PPIL6: variants seen among roughly 807,000 people sequenced by gnomAD.
PPIL6 encodes probable inactive peptidyl-prolyl cis-trans isomerase-like 6.
A neutral mutation model predicts 36.8 loss-of-function variants in PPIL6; 39 were observed. The observed-to-expected ratio is 1.06, with a 90% CI of 0.82 to 1.38. PPIL6 has a LOEUF of 1.38. Among genes scored for constraint, PPIL6 ranks in the 40% most tolerant of loss-of-function variants. The pLI, the probability that PPIL6 is intolerant of heterozygous loss-of-function variation, is 0.00. For missense variants in PPIL6, 368 were observed against 379.1 expected, an observed-to-expected ratio of 0.97 and a Z score of 0.24; for synonymous variants, 123 against 134.1, an observed-to-expected ratio of 0.92 and a Z score of 0.57.
chr6:109,429,991 G>A (rs1273168063), intron 3 of PPIL6, among the ~76,000 whole-genome samples: 2 of 152,158 alleles, frequency 1.3e-5, no homozygotes, highest in Non-Finnish European at 2.9e-5. Context: ...GGCATGTACA[G>A]CTAGACTCCT....
At chr6:109,408,132 TA>T (rs1267370065) in intron 6 of PPIL6, among the ~76,000 whole-genome samples, 1 of 152,250 alleles carries the variant, frequency 6.6e-6, no homozygotes, top group Non-Finnish European at 1.5e-5. Context: ...TGCATGTTGA[TA>T]AACCTGTGTG....
At chr6:109,423,807 T>C (rs1773674989) in intron 5 of PPIL6, among the ~76,000 whole-genome samples, 1 of 152,162 alleles carries the variant, frequency 6.6e-6, no homozygotes, top group Admixed American at 6.5e-5. Context: ...TGACTTGCTA[T>C]CTTAACTTTG....
intron 5 of PPIL6, among the ~76,000 whole-genome samples, chr6:109,425,520 G>A (rs572771751): frequency 1.4e-4 from 21 of 152,184 alleles, no homozygotes; most frequent in African/African-American, 5.1e-4. Context: ...AGGCTGAGGC[G>A]TGCGGATCAC....
At chr6:109,441,165 A>G (rs1179903695), upstream of PPIL6, 4 of 1,613,930 alleles carry the variant, frequency 2.5e-6, no homozygotes, top group African/African-American at 1.3e-5. Flanking sequence ...TTCAACCTCA[A>G]CTGCTGGTGA....
intron 7 of PPIL6, among the ~76,000 whole-genome samples, chr6:109,393,968 T>C (rs1238088100): frequency 6.6e-6 from 1 of 152,208 alleles, no homozygotes; most frequent in Non-Finnish European, 1.5e-5. Context: ...AATTCTCCCA[T>C]GATGGTAGGG....
intron 2 of PPIL6, 46 bp from the exon 3 acceptor site, chr6:109,431,391 G>T: frequency 7.0e-7 from 1 of 1,428,112 alleles, no homozygotes; most frequent in South Asian, 1.3e-5. Context: ...AAGAAGTGGG[G>T]GGAAAACTTG....
intron 6 of PPIL6, among the ~76,000 whole-genome samples, chr6:109,403,344 G>T (rs1229453092): frequency 6.6e-6 from 1 of 151,484 alleles, no homozygotes; most frequent in Non-Finnish European, 1.5e-5. Flanking sequence ...GTAAATTTTT[G>T]GTACATTTCA....
intron 6 of PPIL6, among the ~76,000 whole-genome samples, chr6:109,417,556 C>T (rs1773329708): frequency 6.6e-6 from 1 of 152,116 alleles, no homozygotes; most frequent in Non-Finnish European, 1.5e-5. Flanking sequence ...CTTATAATCA[C>T]CTTGAAACTT....
intron 6 of PPIL6, among the ~76,000 whole-genome samples, chr6:109,418,901 GAA>G (rs1317560544): frequency 6.6e-6 from 1 of 152,224 alleles, no homozygotes; most frequent in East Asian, 1.9e-4. Context: ...ATCAGCACGG[GAA>G]ATTACAAGCC....
At chr6:109,440,191 A>C in intron 1 of PPIL6, 1 of 551,572 alleles carries the variant, frequency 1.8e-6, no homozygotes. Context: ...CTTATCTCCC[A>C]GCGCGGTTCT....
chr6:109,400,271 C>A (rs1772475764), intron 6 of PPIL6, 101 bp from the exon 7 acceptor site: 1 of 884,700 alleles, frequency 1.1e-6, no homozygotes, highest in African/African-American at 1.7e-5. Flanking sequence ...CACTCTCAAT[C>A]ATATTTATCA....
Position 109,431,334 on chromosome 6 carries a change from AT to A in PPIL6, c.242del (p.Asn81MetfsTer10). ...YLQEKKRELK[N>X]ETWEYSSSVI... ...CAGAGGAAGAATATTCCCAGGTTTCATTTTTGAGTTCCTGTAAGGGAAAAGG... is the reference window on the plus strand; with the variant it reads ...CAGAGGAAGAATATTCCCAGGTTTCATTTTGAGTTCCTGTAAGGGAAAAGG... On this transcript the variant is annotated frameshift_variant, in exon 3 of 8. Coordinates refer to ENST00000521072, the MANE Select transcript of PPIL6 (RefSeq NM_173672.5). LOFTEE classifies it high-confidence loss of function. 6.7e-7 allele frequency: 1 copy of A among 1,485,516 alleles called. No individual in the cohort carries two copies. Among genetic ancestry groups the A allele is most frequent in the Admixed American group, 1.9e-5 (1 of 52,450 alleles). The allele number at this position is 1,485,516 out of a possible 1,614,324, so 92.0% of individuals were successfully genotyped here.
chr6:109,413,158 AAAAC>A lies in PPIL6; in HGVS notation c.688+6025_688+6028del, dbSNP rs905931573. Among the ~76,000 whole-genome samples, 7 of 152,242 alleles carry A rather than the reference AAAAC, an allele frequency of 4.6e-5. No individual in the cohort carries two copies. Among genetic ancestry groups the A allele is most frequent in the Middle Eastern group, 3.4e-3 (1 of 294 alleles). ...GGGTGACAGAGTGAGACTCTGTCTC[AAAAC>A]AAACAAACAAACAAACAAAAACCCA... is the stretch of plus-strand genomic sequence containing the variant. On this transcript the variant is annotated intron_variant, in intron 6 of 7. Coordinates refer to ENST00000521072, the MANE Select transcript of PPIL6 (RefSeq NM_173672.5). This position sits in a 1 kb window ranked among gnomAD's most constrained non-coding sequence, Gnocchi z 4.6.
rs1006158995 is a variant in PPIL6 at position 109,390,483 on chromosome 6, A to G, written c.*2343T>C. ...TTGCTCTGGGTCAGTTGAGAATGTAACATAGGCGGTCTGCTTCCTCCCATC... is the reference window on the plus strand; with the variant it reads ...TTGCTCTGGGTCAGTTGAGAATGTAGCATAGGCGGTCTGCTTCCTCCCATC... On this transcript the variant is annotated 3_prime_UTR_variant, in exon 8 of 8. Coordinates refer to ENST00000521072, the MANE Select transcript of PPIL6 (RefSeq NM_173672.5). 6.6e-6 allele frequency: 1 copy of G among 152,224 alleles called. No homozygotes were observed. Among genetic ancestry groups the G allele is most frequent in the African/African-American group, 2.4e-5 (1 of 41,446 alleles). 9.4% of individuals were successfully genotyped at this position (152,224 alleles called of 1,614,324 possible).
intron 6 of PPIL6, among the ~76,000 whole-genome samples, chr6:109,405,633 A>C (rs1772768473): frequency 6.6e-6 from 1 of 152,172 alleles, no homozygotes; most frequent in Non-Finnish European, 1.5e-5. Context: ...TTTCGCCCCC[A>C]CTTACATTCT....
intron 3 of PPIL6, among the ~76,000 whole-genome samples, chr6:109,430,870 G>A (rs955652018): frequency 6.6e-6 from 1 of 152,114 alleles, no homozygotes; most frequent in South Asian, 2.1e-4. Flanking sequence ...TCTCTGAGGG[G>A]GTGGTCTTTA....
At chr6:109,409,387 C>A (rs1263150039) in intron 6 of PPIL6, among the ~76,000 whole-genome samples, 1 of 152,008 alleles carries the variant, frequency 6.6e-6, no homozygotes, top group East Asian at 1.9e-4. Context: ...CATGGTGAAA[C>A]CCCATCTCTA....
intron 1 of PPIL6, among the ~76,000 whole-genome samples, chr6:109,438,999 C>T (rs1052564090): frequency 1.3e-5 from 2 of 152,216 alleles, no homozygotes; most frequent in African/African-American, 4.8e-5. Context: ...TCATTCATTT[C>T]CATCTCTGTG....
intron 1 of PPIL6, 22 bp downstream of exon 1, chr6:109,440,434 A>G: frequency 6.5e-7 from 1 of 1,536,746 alleles, no homozygotes; most frequent in Non-Finnish European, 8.8e-7. Flanking sequence ...GCCGCCCACG[A>G]CGGAGGTTTC....
Sources: allele counts gnomAD v4.1 joint callset (sites outside exome capture counted in the v4.1 genomes callset), GRCh38; gene constraint gnomAD v4.1.1; non-coding constraint Gnocchi (gnomAD v3.1); transcripts MANE v1.5; gene names NCBI Gene and HGNC (gene_info 2026-07-23, HGNC 2026-07-21).